SIX2: variants seen among roughly 807,000 people sequenced by gnomAD.
The protein encoded by SIX2 is SIX homeobox 2.
SIX2 carries 20 observed loss-of-function variants against 22.8 expected under a neutral mutation model. The observed-to-expected ratio is 0.88, with a 90% CI of 0.62 to 1.28. The LOEUF is 1.28. Among genes scored for constraint, SIX2 ranks in the 50% most tolerant of loss-of-function variants. The pLI, the probability that SIX2 is intolerant of heterozygous loss-of-function variation, is 0.00. For synonymous variants in SIX2, 195 were observed against 186.4 expected, an observed-to-expected ratio of 1.05 and a Z score of -0.37; for missense variants, 360 against 400.0, an observed-to-expected ratio of 0.90 and a Z score of 0.85.
intron 1 of SIX2, 27 bp downstream of exon 1, chr2:45,008,524 C>T (rs765740970): frequency 6.2e-7 from 1 of 1,608,988 alleles, no homozygotes. Flanking sequence ...GGGGAGCTGG[C>T]GCCGAAGAAG....
In SIX2 at chr2:45,009,304, A is replaced by T. The variant is rs1325954104; in HGVS notation, c.-194T>A. 3.5e-6 allele frequency: 1 copy of T among 286,560 alleles called. No individual in the cohort carries two copies. Among genetic ancestry groups the T allele is most frequent in the East Asian group, 8.7e-5 (1 of 11,506 alleles). 17.8% of individuals were successfully genotyped at this position (286,560 alleles called of 1,614,324 possible). Reference sequence around the variant, plus strand: ...GGCCGCGGGTCCCACGAAGCTCCGAACCCCAACGGCCCGCGCGCCTGGCCC... The same window carrying T: ...GGCCGCGGGTCCCACGAAGCTCCGATCCCCAACGGCCCGCGCGCCTGGCCC... On this transcript the variant is annotated 5_prime_UTR_variant, in exon 1 of 2. Coordinates refer to ENST00000303077, the MANE Select transcript of SIX2 (RefSeq NM_016932.5).
rs938159059 is a variant in SIX2, at chr2:45,006,356, T to C, written c.690A>G (p.Ala230=). The C allele has an allele frequency of 1.2e-6, 2 of 1,614,004 alleles. No individual in the cohort carries two copies. Among genetic ancestry groups the C allele is most frequent in the Non-Finnish European group, 8.5e-7 (1 of 1,180,010 alleles). The part of the protein sequence containing the change: ...GTPDHSSSSP[A]LLLSPPPPGL... ...CAGGGGGCGGCGGGCTGAGGAGCAG[T>C]GCGGGGCTGGATGATGAGTGGTCTG... The change falls in exon 2 of 2, where the codon GCA becomes GCG. Residue 230 remains alanine (A), a synonymous_variant. Transcript: ENST00000303077. This position sits in a 1 kb window ranked among gnomAD's most constrained non-coding sequence, Gnocchi z 4.2.
Position 45,008,975 on chromosome 2 carries a change from T to G in SIX2, c.136A>C (p.Asn46His). Residue 46 changes from asparagine to histidine, a missense_variant, in exon 1 of 2, where the codon AAT becomes CAT. This residue lies in a region of SIX2 where 118 missense variants were observed against 135.1 expected (regional missense o/e 0.87). Coordinates refer to ENST00000303077, the MANE Select transcript of SIX2 (RefSeq NM_016932.5). ...SLPACEHLHKNESVLKAKAVV... is the reference protein window; with the variant it reads ...SLPACEHLHKHESVLKAKAVV... Reference sequence around the variant, plus strand: ...GCCTTGGCCTTGAGCACGCTTTCATTCTTGTGAAGGTGCTCGCAGGCGGGC... The same window carrying G: ...GCCTTGGCCTTGAGCACGCTTTCATGCTTGTGAAGGTGCTCGCAGGCGGGC... 1 of 1,613,510 alleles carries G rather than the reference T, an allele frequency of 6.2e-7. No individual in the cohort carries two copies. The highest frequency in any genetic ancestry group is 1.7e-4 in the Middle Eastern group (1 of 6,028).
rs746152954 is a variant in SIX2 at position 45,008,699 on chromosome 2, C to G, written c.412G>C (p.Val138Leu). Residue 138 changes from valine to leucine, a missense_variant, in exon 1 of 2, where the codon GTG (valine) becomes CTG (leucine). Val to Leu is a conservative substitution (Grantham distance 32, BLOSUM62 1). Coordinates refer to ENST00000303077, the MANE Select transcript of SIX2 (RefSeq NM_016932.5). ...SYCFKEKSRS[V>L]LREWYAHNPY... ...TTGTGCGCGTACCACTCGCGCAGCA[C>G]GCTGCGACTCTTTTCCTTGAAGCAG... 6.2e-7 allele frequency: 1 copy of G among 1,614,090 alleles called. No individual in the cohort carries two copies. The highest frequency in any genetic ancestry group is 1.1e-5 in the South Asian group (1 of 91,092).
At position 45,008,541 on chromosome 2, in the gene SIX2, T is replaced by C; in HGVS notation, c.560+10A>G. ...GGAGCTGGCGCCGAAGAAGGTCTAC[T>C]TACTCGTACCTTTCCTTGGCCTCGG... On this transcript the variant is annotated intron_variant, in intron 1 of 1. Coordinates refer to ENST00000303077, the MANE Select transcript of SIX2 (RefSeq NM_016932.5). 6 of 1,613,040 alleles carry C rather than the reference T, an allele frequency of 3.7e-6. No homozygotes were observed. The highest frequency in any genetic ancestry group is 5.1e-6 in the Non-Finnish European group (6 of 1,179,840).
chr2:45,008,614 G>C lies in SIX2; in HGVS notation c.497C>G (p.Thr166Arg). 1 of 1,614,062 alleles carries C rather than the reference G, an allele frequency of 6.2e-7. No homozygotes were observed. The highest frequency in any genetic ancestry group is 8.5e-7 in the Non-Finnish European group (1 of 1,179,976). Residue 166 changes from threonine to arginine, a missense_variant, in exon 1 of 2, where the codon ACA becomes AGA. Coordinates refer to ENST00000303077, the MANE Select transcript of SIX2 (RefSeq NM_016932.5). Reference protein sequence around the residue: ...ELAEATGLTTTQVSNWFKNRR... With the variant: ...ELAEATGLTTRQVSNWFKNRR... ...GTTCTTGAACCAGTTGCTGACCTGT[G>C]TGGTGGTGAGGCCCGTGGCCTCCGC... is the stretch of plus-strand genomic sequence containing the variant.
chr2:45,008,516 G>A lies in SIX2; in HGVS notation c.560+35C>T. The stretch of plus-strand genomic sequence containing the variant: ...TGCGAACCCCTCCCTTGGGCCCCGG[G>A]GAGCTGGCGCCGAAGAAGGTCTACT... On this transcript the variant is annotated intron_variant, in intron 1 of 1. Transcript: ENST00000303077. 3 of 1,605,880 alleles carry A rather than the reference G, an allele frequency of 1.9e-6. No homozygotes were observed. The East Asian group carries it at 6.7e-5, about 36-fold the overall frequency.
At position 45,006,341 on chromosome 2, in the gene SIX2, C is replaced by T. The variant is rs146943650; in HGVS notation, c.705G>A (p.Pro235=). ...GCAGGGACGGCAGCCCAGGGGGCGG[C>T]GGGCTGAGGAGCAGTGCGGGGCTGG... The part of the protein sequence containing the change: ...SSSSPALLLS[P]PPPGLPSLHS... Residue 235 remains proline (P), a synonymous_variant, in exon 2 of 2, where the codon CCG becomes CCA. Transcript: ENST00000303077. This position sits in a 1 kb window ranked among gnomAD's most constrained non-coding sequence, Gnocchi z 4.2. 1.7e-4 allele frequency: 280 copies of T among 1,613,954 alleles called. 2 individuals carry two copies. In the African/African-American group the frequency reaches 3.2e-3, roughly 18 times the overall value.
intron 1 of SIX2, among the ~76,000 whole-genome samples, chr2:45,007,833 A>G (rs975307533): frequency 2.0e-5 from 3 of 152,022 alleles, no homozygotes; most frequent in Admixed American, 1.3e-4. Flanking sequence ...CTCTCAGCTC[A>G]CCGCAGACAT....
intron 1 of SIX2, among the ~76,000 whole-genome samples, chr2:45,007,309 G>A (rs1055531331): frequency 1.2e-4 from 19 of 152,302 alleles, no homozygotes; most frequent in Admixed American, 9.8e-4. Flanking sequence ...ATCACATGCC[G>A]GTTTGGGTGG....
Position 45,008,831 on chromosome 2 carries a change from C to A in SIX2, c.280G>T (p.Glu94Ter). Residue 94 changes from glutamate (E) to a stop codon, truncating the protein, a stop_gained, in exon 1 of 2, where the codon GAG (glutamate) becomes TAG (stop). Coordinates refer to ENST00000303077, the MANE Select transcript of SIX2 (RefSeq NM_016932.5). LOFTEE classifies it high-confidence loss of function. ...QQLWLKAHYI[E>*]AEKLRGRPLG... ...GGTCGGCCGCGCAGCTTCTCCGCCT[C>A]GATGTAGTGTGCCTTGAGCCACAGC... 1.2e-6 allele frequency: 2 copies of A among 1,613,912 alleles called. No individual in the cohort carries two copies. The highest frequency in any genetic ancestry group is 1.7e-6 in the Non-Finnish European group (2 of 1,179,962).
chr2:45,008,530 A>C, intron 1 of SIX2, 21 bp downstream of exon 1: 4 of 1,611,664 alleles, frequency 2.5e-6, no homozygotes, highest in Non-Finnish European at 3.4e-6. Context: ...CTGGCGCCGA[A>C]GAAGGTCTAC....
intron 1 of SIX2, among the ~76,000 whole-genome samples, chr2:45,007,002 G>A (rs187403161): frequency 3.2e-4 from 48 of 152,292 alleles, no homozygotes; most frequent in Admixed American, 8.5e-4. Flanking sequence ...TTTTCTGCCC[G>A]AGGGAGACCC....
At position 45,009,045 on chromosome 2, in the gene SIX2, C is replaced by T; in HGVS notation, c.66G>A (p.Gln22=). The change falls in exon 1 of 2, where the codon CAG becomes CAA. Residue 22 remains glutamine, a synonymous_variant. Coordinates refer to ENST00000303077, the MANE Select transcript of SIX2 (RefSeq NM_016932.5). ...CCAGCCGCTCGATGTTGCCGCCCTG[C>T]TGCAGCACCTCGCACACGCACGCCA... is the stretch of plus-strand genomic sequence containing the variant. ...EQVACVCEVL[Q]QGGNIERLGR... 1 of 1,607,096 alleles carries T rather than the reference C, an allele frequency of 6.2e-7. No homozygotes were observed. Among genetic ancestry groups the T allele is most frequent in the Non-Finnish European group, 8.5e-7 (1 of 1,179,060 alleles).
At position 45,008,978 on chromosome 2, in the gene SIX2, T is replaced by G. The variant is rs762656667; in HGVS notation, c.133A>C (p.Lys45Gln). Residue 45 changes from lysine to glutamine, a missense_variant, in exon 1 of 2, where the codon AAG becomes CAG. Transcript: ENST00000303077. ...WSLPACEHLHKNESVLKAKAV... is the reference protein window; with the variant it reads ...WSLPACEHLHQNESVLKAKAV... Reference sequence around the variant, plus strand: ...TTGGCCTTGAGCACGCTTTCATTCTTGTGAAGGTGCTCGCAGGCGGGCAGC... The same window carrying G: ...TTGGCCTTGAGCACGCTTTCATTCTGGTGAAGGTGCTCGCAGGCGGGCAGC... 1.2e-6 allele frequency: 2 copies of G among 1,613,452 alleles called. No individual in the cohort carries two copies. Among genetic ancestry groups the G allele is most frequent in the Non-Finnish European group, 1.7e-6 (2 of 1,179,920 alleles).
rs1400875587 is a variant in SIX2, at chr2:45,006,293, G to C, written c.753C>G (p.Gly251=). 2 of 1,613,918 alleles carry C rather than the reference G, an allele frequency of 1.2e-6. No individual in the cohort carries two copies. The highest frequency in any genetic ancestry group is 1.7e-6 in the Non-Finnish European group (2 of 1,179,936). ...PSLHSLGHPP[G]PSAVPVPVPG... ...GCACCGGCACTGGCACTGCGCTGGGGCCCGGAGGGTGGCCCAGGCTGTGCA... is the reference window on the plus strand; with the variant it reads ...GCACCGGCACTGGCACTGCGCTGGGCCCCGGAGGGTGGCCCAGGCTGTGCA... Residue 251 remains glycine (G), a synonymous_variant, in exon 2 of 2, where the codon GGC becomes GGG. Transcript: ENST00000303077. This position sits in a 1 kb window ranked among gnomAD's most constrained non-coding sequence, Gnocchi z 4.2.
At chr2:45,007,133 T>G (rs140123046) in intron 1 of SIX2, among the ~76,000 whole-genome samples, 70 of 152,346 alleles carry the variant, frequency 4.6e-4, no homozygotes, top group Non-Finnish European at 8.4e-4. Context: ...GAGGACTCCC[T>G]TTCCGTGGTG....
At chr2:45,008,234 G>A (rs1303776061) in intron 1 of SIX2, among the ~76,000 whole-genome samples, 2 of 152,260 alleles carry the variant, frequency 1.3e-5, no homozygotes, top group Non-Finnish European at 2.9e-5. Context: ...GACCTACTGT[G>A]CCTGCCTCAC....
In SIX2 at chr2:45,008,699, C is replaced by A. The variant is rs746152954; in HGVS notation, c.412G>T (p.Val138Leu). Reference sequence around the variant, plus strand: ...TTGTGCGCGTACCACTCGCGCAGCACGCTGCGACTCTTTTCCTTGAAGCAG... The same window carrying A: ...TTGTGCGCGTACCACTCGCGCAGCAAGCTGCGACTCTTTTCCTTGAAGCAG... ...SYCFKEKSRS[V>L]LREWYAHNPY... Residue 138 changes from valine to leucine, a missense_variant, in exon 1 of 2, where the codon GTG becomes TTG. This residue lies in a region of SIX2 where 235 missense variants were observed against 231.9 expected (regional missense o/e 1.01). Transcript: ENST00000303077. 2 of 1,614,090 alleles carry A rather than the reference C, an allele frequency of 1.2e-6. No individual in the cohort carries two copies. The highest frequency in any genetic ancestry group is 1.7e-6 in the Non-Finnish European group (2 of 1,179,980).
Sources: gnomAD v4.1 joint callset for allele counts (sites outside exome capture counted in the v4.1 genomes callset) on GRCh38, gnomAD v4.1.1 for gene constraint, gnomAD v4.1.1 regional missense constraint, Gnocchi (gnomAD v3.1) non-coding constraint, MANE v1.5 for transcripts, NCBI Gene and HGNC (gene_info 2026-07-23, HGNC 2026-07-21) for gene names.